HSPBAP1: variants seen among roughly 807,000 people sequenced by gnomAD.
HSPBAP1 encodes HSPB1 associated protein 1.
A neutral mutation model predicts 45.2 loss-of-function variants in HSPBAP1; 27 were observed. The observed-to-expected ratio is 0.60, with a 90% CI of 0.44 to 0.82. HSPBAP1 has a LOEUF of 0.82. Among genes scored for constraint, HSPBAP1 ranks in the 40% least tolerant of loss-of-function variants. The pLI is 0.00. For synonymous variants in HSPBAP1, 204 were observed against 202.7 expected (o/e 1.01, Z -0.06); for missense variants, 510 against 590.9 (o/e 0.86, Z 1.42).
intron 4 of HSPBAP1, among the ~76,000 whole-genome samples, chr3:122,757,093 AATG>A (rs1263952186): frequency 6.6e-6 from 1 of 152,148 alleles, no homozygotes; most frequent in Admixed American, 6.5e-5. Flanking sequence ...GAACAGCCAT[AATG>A]ATAACCATCC....
rs748268421 is a variant in HSPBAP1, at chr3:122,741,073, C to G, written c.866G>C (p.Arg289Pro). 6.2e-7 allele frequency: 1 copy of G among 1,613,966 alleles called. No homozygotes were observed. Among genetic ancestry groups the G allele is most frequent in the Non-Finnish European group, 8.5e-7 (1 of 1,179,968 alleles). ...HLARVEEAIT[R>P]MLVCALKTAE... is the part of the protein sequence containing the mutation. ...AGTTTTCAGGGCACACACAAGCATACGGGTGATTGCCTCTTCTACCCGGGC... is the reference window on the plus strand; with the variant it reads ...AGTTTTCAGGGCACACACAAGCATAGGGGTGATTGCCTCTTCTACCCGGGC... The change falls in exon 7 of 8, where the codon CGT (arginine) becomes CCT (proline). Residue 289 changes from arginine to proline, a missense_variant. By Grantham distance (103) the Arg-to-Pro change is moderately radical. Coordinates refer to ENST00000306103, the MANE Select transcript of HSPBAP1 (RefSeq NM_024610.6).
At chr3:122,753,378 C>T (rs1374655576) in intron 5 of HSPBAP1, 5 of 743,212 alleles carry the variant, frequency 6.7e-6, no homozygotes, top group African/African-American at 6.5e-5. Context: ...AGTTTAGGGA[C>T]AGCGGACTTC....
chr3:122,749,354 A>G (rs970788593), intron 6 of HSPBAP1, among the ~76,000 whole-genome samples: 7 of 152,138 alleles, frequency 4.6e-5, no homozygotes, highest in Non-Finnish European at 1.0e-4. Flanking sequence ...ATTAGATCAA[A>G]ATTTTAAAAA....
chr3:122,752,709 C>T lies in HSPBAP1; in HGVS notation c.742-35G>A, dbSNP rs752120054. ...AAACAAAGAATGGTTAGCACAAGAA[C>T]AGGACGTTTCATTTTTATGTCAGAA... On this transcript the variant is annotated intron_variant, in intron 5 of 7. Transcript: ENST00000306103. 7.2e-6 allele frequency: 11 copies of T among 1,533,532 alleles called. No homozygotes were observed. The South Asian group carries it at 1.1e-4, about 15-fold the overall frequency. 95.0% of individuals were successfully genotyped at this position (1,533,532 alleles called of 1,614,324 possible). A position where few individuals can be genotyped will look rare whatever the true frequency, so the allele number is the denominator to read the frequency against.
At chr3:122,764,293 A>G (rs1934698218) in intron 3 of HSPBAP1, among the ~76,000 whole-genome samples, 1 of 152,184 alleles carries the variant, frequency 6.6e-6, no homozygotes, top group South Asian at 2.1e-4. Flanking sequence ...TCTGGTCTTT[A>G]GGACCCCTCA....
chr3:122,759,224 C>CTTCCTT lies in HSPBAP1; in HGVS notation c.563_568dup (p.Gly189_Arg190insLysGly). 2 of 1,595,742 alleles carry CTTCCTT rather than the reference C, an allele frequency of 1.3e-6. No homozygotes were observed. The highest frequency in any genetic ancestry group is 2.2e-5 in the South Asian group (2 of 90,108). ...ACACACACACACACACACACATTAC[C>CTTCCTT]TTCCTTGTACCTGGAATACCAAGTT... On this transcript the variant is annotated inframe_insertion and splice_region_variant, in exon 4 of 8. Transcript: ENST00000306103.
At chr3:122,746,960 T>C (rs2107499018) in intron 6 of HSPBAP1, among the ~76,000 whole-genome samples, 1 of 152,098 alleles carries the variant, frequency 6.6e-6, no homozygotes, top group South Asian at 2.1e-4. Flanking sequence ...CAGTGCTCAA[T>C]GGTGCCCAGG....
At chr3:122,748,302 C>G (rs994049519) in intron 6 of HSPBAP1, among the ~76,000 whole-genome samples, 1 of 151,924 alleles carries the variant, frequency 6.6e-6, no homozygotes, top group Non-Finnish European at 1.5e-5. Context: ...ACTTGTTTAT[C>G]TGCTGACCTT....
chr3:122,766,164 A>G (rs1934774436), intron 3 of HSPBAP1, among the ~76,000 whole-genome samples: 1 of 152,210 alleles, frequency 6.6e-6, no homozygotes, highest in Non-Finnish European at 1.5e-5. Context: ...TTTTTTGAAT[A>G]TAGTTATTTT....
At chr3:122,761,845 G>T (rs1322906771) in intron 3 of HSPBAP1, 2 of 150,842 alleles carry the variant, frequency 1.3e-5, no homozygotes, top group Admixed American at 6.6e-5. Flanking sequence ...AGACAGCATT[G>T]AGAGTTGGGA....
At chr3:122,747,415 C>A (rs960611126) in intron 6 of HSPBAP1, among the ~76,000 whole-genome samples, 1 of 151,702 alleles carries the variant, frequency 6.6e-6, no homozygotes, top group African/African-American at 2.4e-5. Flanking sequence ...AGCCCCTCCG[C>A]CCGGCAACCA....
At chr3:122,782,813 G>C (rs757909128) in intron 1 of HSPBAP1, among the ~76,000 whole-genome samples, 2 of 152,142 alleles carry the variant, frequency 1.3e-5, no homozygotes, top group Non-Finnish European at 2.9e-5. Context: ...AAAGGAAGAG[G>C]GATAGGGAAG....
chr3:122,755,557 C>A, intron 4 of HSPBAP1, 126 bp from the exon 5 acceptor site: 2 of 626,890 alleles, frequency 3.2e-6, no homozygotes, highest in Non-Finnish European at 2.5e-6. Context: ...AATATAGGCA[C>A]CATCAGTGGT....
rs1054215529 is a variant in HSPBAP1 at position 122,753,871 on chromosome 3, T to C, written c.742-1197A>G. ...TAGGATGTAAGGAAAACTGATACAA[T>C]AGGCAAAACCAATCACTCAAATTTG... On this transcript the variant is annotated intron_variant, in intron 5 of 7. Coordinates refer to ENST00000306103, the MANE Select transcript of HSPBAP1 (RefSeq NM_024610.6). 21 of 985,060 alleles carry C rather than the reference T, an allele frequency of 2.1e-5. No homozygotes were observed. The African/African-American group carries it at 2.6e-4, about 12-fold the overall frequency. The allele number at this position is 985,060 out of a possible 1,614,324, so 61.0% of individuals were successfully genotyped here. A position where few individuals can be genotyped will look rare whatever the true frequency, so the allele number is the denominator to read the frequency against.
chr3:122,789,864 CTTTTTT>C (rs368711372), intron 1 of HSPBAP1, among the ~76,000 whole-genome samples: 1 of 137,172 alleles, frequency 7.3e-6, no homozygotes. Context: ...GCCAAAGCTT[CTTTTTT>C]TTTTTTTTTT....
intron 2 of HSPBAP1, 88 bp from the exon 3 acceptor site, chr3:122,768,970 C>T: frequency 1.0e-6 from 1 of 983,646 alleles, no homozygotes; most frequent in East Asian, 2.7e-5. Flanking sequence ...TAATTTCAAC[C>T]AAAAAATTAA....
Position 122,768,852 on chromosome 3 carries a change from A to G in HSPBAP1, c.281T>C (p.Val94Ala), listed in dbSNP as rs768862285. The G allele has an allele frequency of 1.9e-6, 3 of 1,612,132 alleles. No homozygotes were observed. Among genetic ancestry groups the G allele is most frequent in the East Asian group, 2.2e-5 (1 of 44,842 alleles). ...CAGAAACTCTTCGAGTGTAGCTTCT[A>G]CGTAATTACATGTAGTTTCAAACTG... is the stretch of plus-strand genomic sequence containing the variant. Reference protein sequence around the residue: ...VPQFETTCNYVEATLEEFLTW... With the variant: ...VPQFETTCNYAEATLEEFLTW... Residue 94 changes from valine (V) to alanine (A), a missense_variant, in exon 3 of 8, where the codon GTA (valine) becomes GCA (alanine). Coordinates refer to ENST00000306103, the MANE Select transcript of HSPBAP1 (RefSeq NM_024610.6).
At chr3:122,744,449 T>C (rs1223231342) in intron 6 of HSPBAP1, among the ~76,000 whole-genome samples, 3 of 152,238 alleles carry the variant, frequency 2.0e-5, no homozygotes, top group Non-Finnish European at 2.9e-5. Flanking sequence ...TATTGTCCAA[T>C]GTTGAAGAGA....
chr3:122,793,279 AGG>A (rs1935892939), intron 1 of HSPBAP1, among the ~76,000 whole-genome samples: 1 of 152,226 alleles, frequency 6.6e-6, no homozygotes, highest in South Asian at 2.1e-4. Flanking sequence ...TTAATCTCAA[AGG>A]TTGCCTTCAA....
Sources: allele counts gnomAD v4.1 joint callset (sites outside exome capture counted in the v4.1 genomes callset), GRCh38; gene constraint gnomAD v4.1.1; transcripts MANE v1.5; gene names NCBI Gene and HGNC (gene_info 2026-07-23, HGNC 2026-07-21).